The following NELL1 variants were observed in gnomAD, a reference collection of about 807,000 sequenced individuals.
NELL1 encodes the protein neural EGFL like 1, also known as protein kinase C-binding protein NELL1.
Under a neutral mutation model 107.4 loss-of-function variants are expected in NELL1, and 76 were observed. That is an observed-to-expected ratio of 0.71 (90% CI 0.59 to 0.86). The LOEUF (loss-of-function observed/expected upper bound fraction) is 0.86, where lower values mean the gene tolerates loss of function less well. Among genes scored for constraint, NELL1 ranks in the 40% least tolerant of loss-of-function variants. The pLI is 0.00. For missense variants in NELL1, 1,024 were observed against 1,005.5 expected (o/e 1.02, Z -0.25); for synonymous variants, 353 against 341.2 (o/e 1.03, Z -0.38).
chr11:21,331,130 G>A (rs1487220154), intron 14 of NELL1, among the ~76,000 whole-genome samples: 1 of 151,794 alleles, frequency 6.6e-6, no homozygotes, highest in African/African-American at 2.4e-5. Flanking sequence ...ACCTCTCTAA[G>A]CATATTTTTC....
intron 14 of NELL1, among the ~76,000 whole-genome samples, chr11:21,263,890 T>A (rs940622587): frequency 2.0e-5 from 3 of 151,960 alleles, no homozygotes; most frequent in African/African-American, 7.2e-5. Flanking sequence ...TATAGGTATA[T>A]AATCCTTAAA....
chr11:20,847,676 C>A lies in NELL1; in HGVS notation c.429C>A (p.Arg143=). 1 of 1,613,798 alleles carries A rather than the reference C, an allele frequency of 6.2e-7. No homozygotes were observed. Among genetic ancestry groups the A allele is most frequent in the South Asian group, 1.1e-5 (1 of 91,042 alleles). Reference sequence around the variant, plus strand: ...CAAGGACAGAGGCACTTCCTTACCGCATGGCAGATGGACAATGGCACAAGG... The same window carrying A: ...CAAGGACAGAGGCACTTCCTTACCGAATGGCAGATGGACAATGGCACAAGG... ...GKPRTEALPY[R]MADGQWHKVA... The change falls in exon 4 of 20, where the codon CGC becomes CGA. Residue 143 remains arginine (R), a synonymous_variant. Coordinates refer to ENST00000357134, the MANE Select transcript of NELL1 (RefSeq NM_006157.5).
chr11:21,526,957 T>G (rs1855870583), intron 15 of NELL1, among the ~76,000 whole-genome samples: 1 of 152,224 alleles, frequency 6.6e-6, no homozygotes, highest in Non-Finnish European at 1.5e-5. Context: ...TTTGGCTCAT[T>G]ACTTATGCAA....
At chr11:20,685,327 A>G (rs1019427618) in intron 2 of NELL1, among the ~76,000 whole-genome samples, 2 of 152,118 alleles carry the variant, frequency 1.3e-5, no homozygotes, top group Non-Finnish European at 2.9e-5. Flanking sequence ...AAAATTAATT[A>G]AAATTATGCA....
intron 2 of NELL1, among the ~76,000 whole-genome samples, chr11:20,720,311 G>C (rs910250758): frequency 2.0e-5 from 3 of 151,754 alleles, no homozygotes. Flanking sequence ...GGGTTCAAGC[G>C]ATTCTCCTGC....
intron 16 of NELL1, among the ~76,000 whole-genome samples, chr11:21,550,131 C>G (rs1425712844): frequency 6.6e-6 from 1 of 151,686 alleles, no homozygotes; most frequent in South Asian, 2.1e-4. Context: ...CAGCCTTTAC[C>G]TTTTCCAGGC....
Position 20,919,311 on chromosome 11 carries a change from C to T in NELL1, c.736C>T (p.Leu246Phe). Residue 246 changes from leucine (L) to phenylalanine (F), a missense_variant, in exon 7 of 20, where the codon CTT (leucine) becomes TTT (phenylalanine). Leu to Phe is a conservative substitution (Grantham distance 22, BLOSUM62 0). Transcript: ENST00000357134. ...LVQGIMDLQE[L>F]LAKMTAKLNY... Reference sequence around the variant, plus strand: ...GCAAGGAATAATGGATTTACAAGAGCTTTTGGCCAAGATGACTGCAAAAGT... The same window carrying T: ...GCAAGGAATAATGGATTTACAAGAGTTTTTGGCCAAGATGACTGCAAAAGT... 6.2e-7 allele frequency: 1 copy of T among 1,604,794 alleles called. No homozygotes were observed. The highest frequency in any genetic ancestry group is 8.5e-7 in the Non-Finnish European group (1 of 1,174,050).
intron 15 of NELL1, among the ~76,000 whole-genome samples, chr11:21,377,650 CTG>C (rs1488047399): frequency 5.9e-5 from 9 of 151,940 alleles, no homozygotes; most frequent in Non-Finnish European, 8.8e-5. Flanking sequence ...TAGAATTTGA[CTG>C]TGAATCCATC....
intron 15 of NELL1, among the ~76,000 whole-genome samples, chr11:21,443,199 A>T (rs1853336851): frequency 6.6e-6 from 1 of 152,006 alleles, no homozygotes; most frequent in Admixed American, 6.6e-5. Flanking sequence ...AGTTAGACCA[A>T]ACTCATCGTT....
chr11:21,483,902 A>AT (rs1854555584), intron 15 of NELL1, among the ~76,000 whole-genome samples: 1 of 142,096 alleles, frequency 7.0e-6, no homozygotes, highest in Non-Finnish European at 1.5e-5. Context: ...TATATATATA[A>AT]AATATTCCAT....
intron 15 of NELL1, among the ~76,000 whole-genome samples, chr11:21,491,414 A>G (rs1265245467): frequency 6.6e-6 from 1 of 152,158 alleles, no homozygotes; most frequent in Non-Finnish European, 1.5e-5. Context: ...CTCTCTACAT[A>G]TGGCTAGCCA....
At chr11:21,420,397 G>A (rs1852636199) in intron 15 of NELL1, among the ~76,000 whole-genome samples, 1 of 152,022 alleles carries the variant, frequency 6.6e-6, no homozygotes, top group African/African-American at 2.4e-5. Context: ...TGATGTAAAT[G>A]TACAAATATG....
chr11:21,234,995 CTG>C (rs1468944841), intron 14 of NELL1, among the ~76,000 whole-genome samples: 3 of 152,074 alleles, frequency 2.0e-5, no homozygotes, highest in African/African-American at 7.2e-5. Context: ...AACTACTGGG[CTG>C]TGAATCGGAG....
At chr11:20,821,186 G>A (rs940385711) in intron 3 of NELL1, among the ~76,000 whole-genome samples, 1 of 152,156 alleles carries the variant, frequency 6.6e-6, no homozygotes, top group African/African-American at 2.4e-5. Context: ...TGCAGAGGTA[G>A]GTGGAGGGAG....
intron 16 of NELL1, among the ~76,000 whole-genome samples, chr11:21,536,174 C>A (rs1387051539): frequency 6.6e-6 from 1 of 152,110 alleles, no homozygotes; most frequent in Non-Finnish European, 1.5e-5. Flanking sequence ...CTGCACATTG[C>A]TGAGGCTTGG....
chr11:20,925,124 G>A (rs1427871210), intron 7 of NELL1, among the ~76,000 whole-genome samples: 2 of 152,036 alleles, frequency 1.3e-5, no homozygotes, highest in East Asian at 1.9e-4. Context: ...TCAGATTTTG[G>A]TATCTGCAAG....
intron 12 of NELL1, among the ~76,000 whole-genome samples, chr11:20,986,097 G>T (rs1469156801): frequency 6.6e-6 from 1 of 151,954 alleles, no homozygotes; most frequent in Non-Finnish European, 1.5e-5. Flanking sequence ...ACTTTAATTT[G>T]ATGCCTGTTG....
At chr11:21,308,926 A>C (rs1849666897) in intron 14 of NELL1, among the ~76,000 whole-genome samples, 1 of 151,884 alleles carries the variant, frequency 6.6e-6, no homozygotes, top group Admixed American at 6.6e-5. Context: ...GTTTAGGAGC[A>C]AGAAGGCTCT....
chr11:21,264,366 C>A (rs1337488185), intron 14 of NELL1, among the ~76,000 whole-genome samples: 1 of 151,768 alleles, frequency 6.6e-6, no homozygotes, highest in African/African-American at 2.4e-5. Flanking sequence ...AAAGTGTCAT[C>A]CTGCACAAGC....
Sources: allele counts gnomAD v4.1 joint callset (sites outside exome capture counted in the v4.1 genomes callset), GRCh38; gene constraint gnomAD v4.1.1; transcripts MANE v1.5; gene names NCBI Gene and HGNC (gene_info 2026-07-23, HGNC 2026-07-21).